Variants in ATAD5 observed in about 807,000 individuals in gnomAD.
ATAD5 encodes ATPase family AAA domain containing 5.
In ATAD5, 58 loss-of-function variants were observed where a neutral mutation model predicts 176.9. The observed-to-expected ratio is 0.33, with a 90% CI of 0.27 to 0.41. ATAD5 has a LOEUF of 0.41. ATAD5 is among the 10% of genes least tolerant of loss of function. The pLI is 1.00. For synonymous variants in ATAD5, 640 were observed against 712.6 expected, an observed-to-expected ratio of 0.90 and a Z score of 1.62; for missense variants, 1,789 against 2,094.1, an observed-to-expected ratio of 0.85 and a Z score of 2.84.
intron 18 of ATAD5, among the ~76,000 whole-genome samples, chr17:30,880,341 G>A (rs953036474): frequency 6.6e-5 from 10 of 152,048 alleles, no homozygotes; most frequent in African/African-American, 2.4e-4. Flanking sequence ...GGGCGTAGTG[G>A]CTCACGCCTG....
intron 20 of ATAD5, 24 bp from the exon 21 acceptor site, chr17:30,893,270 T>C: frequency 6.5e-7 from 1 of 1,543,388 alleles, no homozygotes. Context: ...CTGTAACATT[T>C]CTTTACTCAA....
At chr17:30,883,672 G>A (rs539761791) in intron 18 of ATAD5, among the ~76,000 whole-genome samples, 5 of 151,692 alleles carry the variant, frequency 3.3e-5, no homozygotes, top group Admixed American at 2.6e-4. Flanking sequence ...TCAGCCTCCC[G>A]AGTAGCTGGG....
chr17:30,875,509 A>G (rs1908602132), intron 14 of ATAD5, among the ~76,000 whole-genome samples: 2 of 151,990 alleles, frequency 1.3e-5, no homozygotes, highest in African/African-American at 4.8e-5. Context: ...AAGAATGTGT[A>G]TTTCTGGCTG....
Position 30,832,372 on chromosome 17 carries a change from G to T in ATAD5, c.25G>T (p.Ala9Ser). The change falls in exon 1 of 23, where the codon GCT becomes TCT. Residue 9 changes from alanine (A) to serine (S), a missense_variant. Ala to Ser is a moderately conservative substitution (Grantham distance 99, BLOSUM62 1). Coordinates refer to ENST00000321990, the MANE Select transcript of ATAD5 (RefSeq NM_024857.5). The stretch of plus-strand genomic sequence containing the variant: ...TATGGTGGGGGTCCTGGCCATGGCG[G>T]CTGCAGCTGCTCCGCCTCCCGTGAA... MVGVLAMAAAAAPPPVKDC... is the reference protein window; with the variant it reads MVGVLAMASAAAPPPVKDC... 1 of 1,565,078 alleles carries T rather than the reference G, an allele frequency of 6.4e-7. No individual in the cohort carries two copies. Among genetic ancestry groups the T allele is most frequent in the Non-Finnish European group, 8.7e-7 (1 of 1,154,686 alleles).
rs114892425 is a variant in ATAD5 at position 30,884,370 on chromosome 17, C to T, written c.4078-2822C>T. On this transcript the variant is annotated intron_variant, in intron 18 of 22. Transcript: ENST00000321990. ...TAACATCCTCAAGGTTCATCTAAGT[C>T]GTAGTATGTATATAGCTTACAGTGT... Among the ~76,000 whole-genome samples, 1,162 of 149,080 alleles carry T rather than the reference C, an allele frequency of 7.8e-3. 14 individuals are homozygous for T. Among genetic ancestry groups the T allele is most frequent in the African/African-American group, 0.027 (1,105 of 40,356 alleles).
intron 18 of ATAD5, among the ~76,000 whole-genome samples, chr17:30,883,795 C>T (rs924037047): frequency 3.9e-5 from 6 of 152,116 alleles, no homozygotes; most frequent in South Asian, 4.1e-4. Flanking sequence ...GTGATCCGCC[C>T]GTCTCGGCCT....
In ATAD5 at chr17:30,893,597, G is replaced by A. The variant is rs775026621; in HGVS notation, c.4744G>A (p.Asp1582Asn). Reference protein sequence around the residue: ...ILDDSDLFDTDLDFPDQSISL... With the variant: ...ILDDSDLFDTNLDFPDQSISL... Reference sequence around the variant, plus strand: ...AGATGATAGTGATCTATTTGACACTGACTTGGACTTTCCTGATCAATCTAT... The same window carrying A: ...AGATGATAGTGATCTATTTGACACTAACTTGGACTTTCCTGATCAATCTAT... Residue 1582 changes from aspartate (D) to asparagine (N), a missense_variant, in exon 21 of 23, where the codon GAC becomes AAC. Transcript: ENST00000321990. The A allele has an allele frequency of 1.9e-6, 3 of 1,613,888 alleles. No homozygotes were observed. Among genetic ancestry groups the A allele is most frequent in the South Asian group, 2.2e-5 (2 of 91,050 alleles).
chr17:30,881,076 A>AT (rs1453834595), intron 18 of ATAD5, among the ~76,000 whole-genome samples: 1 of 136,792 alleles, frequency 7.3e-6, no homozygotes, highest in Non-Finnish European at 1.6e-5. Flanking sequence ...TTTTTTTCTT[A>AT]TTTTTTCCTT....
Position 30,892,591 on chromosome 17 carries a change from TTC to T in ATAD5, c.4259-14_4259-13del, listed in dbSNP as rs1033822373. On this transcript the variant is annotated splice_polypyrimidine_tract_variant and intron_variant, in intron 19 of 22. Transcript: ENST00000321990. Reference sequence around the variant, plus strand: ...TTAATACATATATAGAGCTAAGATTTTCTTTTATTTTGTAGGTGGAAATAGCA... The same window carrying T: ...TTAATACATATATAGAGCTAAGATTTTTTTATTTTGTAGGTGGAAATAGCA... 2.2e-5 allele frequency: 34 copies of T among 1,527,450 alleles called. 1 individual carries two copies. The highest frequency in any genetic ancestry group is 2.3e-5 in the East Asian group (1 of 43,468). The allele number at this position is 1,527,450 out of a possible 1,614,324, so 94.6% of individuals were successfully genotyped here. A position where few individuals can be genotyped will look rare whatever the true frequency, so the allele number is the denominator to read the frequency against.
At chr17:30,844,124 T>C in intron 5 of ATAD5, 85 bp downstream of exon 5, 2 of 1,079,340 alleles carry the variant, frequency 1.9e-6, no homozygotes, top group Non-Finnish European at 1.2e-6. Flanking sequence ...CTGGGGTATT[T>C]ATTTATTTAT....
chr17:30,875,874 A>G (rs1263178243), intron 14 of ATAD5, among the ~76,000 whole-genome samples: 1 of 151,744 alleles, frequency 6.6e-6, no homozygotes, highest in Non-Finnish European at 1.5e-5. Flanking sequence ...GCGGTGGCTC[A>G]TGCCTGTAAT....
intron 6 of ATAD5, among the ~76,000 whole-genome samples, chr17:30,846,513 C>T (rs1906516245): frequency 6.6e-6 from 1 of 151,520 alleles, no homozygotes; most frequent in African/African-American, 2.4e-5. Flanking sequence ...AGCGATTCTC[C>T]TGTCTTAGCC....
At chr17:30,878,229 T>C in intron 17 of ATAD5, 133 bp downstream of exon 17, 1 of 633,562 alleles carries the variant, frequency 1.6e-6, no homozygotes, top group Non-Finnish European at 2.8e-6. Context: ...GGTTACTATG[T>C]TGGGTATTAG....
intron 3 of ATAD5, among the ~76,000 whole-genome samples, chr17:30,838,002 G>A (rs543419600): frequency 3.3e-5 from 5 of 152,230 alleles, no homozygotes; most frequent in Admixed American, 6.5e-5. Flanking sequence ...ATTCTTTACT[G>A]TGGAGGGCTG....
In ATAD5 at chr17:30,837,212, A is replaced by T. The variant is rs753084977; in HGVS notation, c.1974A>T (p.Lys658Asn). ...PFDSESPIRM[K>N]FTRISTPKKS... ...TACCTTATTTTTATTTCAGAATGAA[A>T]TTCACCAGAATTAGTACTCCCAAAA... The change falls in exon 3 of 23, where the codon AAA (lysine) becomes AAT (asparagine). Residue 658 changes from lysine (K) to asparagine (N), a missense_variant. By Grantham distance (94) the Lys-to-Asn change is moderately conservative. Around this residue, in one of 6 missense-constraint regions of ATAD5, gnomAD observed 487 missense variants for 573.6 expected, o/e 0.85. Coordinates refer to ENST00000321990, the MANE Select transcript of ATAD5 (RefSeq NM_024857.5). 2.7e-6 allele frequency: 4 copies of T among 1,499,438 alleles called. No individual in the cohort carries two copies. In the South Asian group the frequency reaches 5.0e-5, roughly 19 times the overall value. 92.9% of individuals were successfully genotyped at this position (1,499,438 alleles called of 1,614,324 possible).
At chr17:30,870,959 A>T (rs1306368933) in intron 14 of ATAD5, among the ~76,000 whole-genome samples, 1 of 151,934 alleles carries the variant, frequency 6.6e-6, no homozygotes, top group Non-Finnish European at 1.5e-5. Context: ...CAAAGTTGAT[A>T]AAATTTCAAC....
At chr17:30,880,775 G>C (rs961876975) in intron 18 of ATAD5, among the ~76,000 whole-genome samples, 8 of 151,852 alleles carry the variant, frequency 5.3e-5, no homozygotes, top group Admixed American at 6.6e-5. Flanking sequence ...TGTTCACTAG[G>C]TTTTTTGCCT....
chr17:30,833,442 A>AT (rs1351737198), intron 1 of ATAD5, among the ~76,000 whole-genome samples: 71 of 152,330 alleles, frequency 4.7e-4, no homozygotes, highest in Non-Finnish European at 6.8e-4. Context: ...TAGCAACCCT[A>AT]TGATCTATTG....
rs374178056 is a variant in ATAD5, at chr17:30,868,330, C to T, written c.3234-3C>T. On this transcript the variant is annotated splice_polypyrimidine_tract_variant and splice_region_variant and intron_variant, in intron 11 of 22. Coordinates refer to ENST00000321990, the MANE Select transcript of ATAD5 (RefSeq NM_024857.5). Reference sequence around the variant, plus strand: ...TTATTTTTATTATGTTTTCTTGTGGCAGTTGGTTGAAAGACTGGAAAAGAA... The same window carrying T: ...TTATTTTTATTATGTTTTCTTGTGGTAGTTGGTTGAAAGACTGGAAAAGAA... The T allele has an allele frequency of 8.3e-6, 13 of 1,558,386 alleles. No individual in the cohort carries two copies. The highest frequency in any genetic ancestry group is 4.7e-5 in the East Asian group (2 of 42,670).
Sources: gnomAD v4.1 joint callset for allele counts (sites outside exome capture counted in the v4.1 genomes callset) on GRCh38, gnomAD v4.1.1 for gene constraint, gnomAD v4.1.1 regional missense constraint, MANE v1.5 for transcripts, NCBI Gene and HGNC (gene_info 2026-07-23, HGNC 2026-07-21) for gene names.